IMPG2: variants seen among roughly 807,000 people sequenced by gnomAD.
IMPG2 encodes IPM 200.
IMPG2 carries 91 observed loss-of-function variants against 129.2 expected under a neutral mutation model. The ratio of observed to expected loss-of-function variants is 0.70; its 90% CI spans 0.59 to 0.84. The LOEUF (loss-of-function observed/expected upper bound fraction) is 0.84, where lower values mean the gene tolerates loss of function less well. IMPG2 is among the 40% of genes least tolerant of loss of function. The pLI is 0.00. For synonymous variants in IMPG2, 510 were observed against 517.7 expected (o/e 0.99, Z 0.20); for missense variants, 1,430 against 1,461.7 (o/e 0.98, Z 0.35).
At chr3:101,293,586 T>C (rs762074203) in intron 3 of IMPG2, among the ~76,000 whole-genome samples, 21 of 152,216 alleles carry the variant, frequency 1.4e-4, no homozygotes, top group Non-Finnish European at 2.5e-4. Flanking sequence ...TTTAAGTCAC[T>C]AGCTGCATTA....
intron 9 of IMPG2, among the ~76,000 whole-genome samples, chr3:101,258,270 A>G (rs1247622812): frequency 1.3e-5 from 2 of 152,074 alleles, no homozygotes; most frequent in African/African-American, 4.8e-5. Context: ...ACTAAAGCAA[A>G]TTGATGATTA....
chr3:101,252,322 C>G (rs889078488), intron 11 of IMPG2, among the ~76,000 whole-genome samples: 2 of 152,146 alleles, frequency 1.3e-5, no homozygotes, highest in African/African-American at 4.8e-5. Flanking sequence ...CAGTTTGCAG[C>G]CTCTGGCTTA....
intron 4 of IMPG2, among the ~76,000 whole-genome samples, chr3:101,286,044 G>A (rs979572150): frequency 6.6e-6 from 1 of 151,934 alleles, no homozygotes; most frequent in African/African-American, 2.4e-5. Context: ...GTTGAATACT[G>A]GCTTTGTGAC....
intron 14 of IMPG2, among the ~76,000 whole-genome samples, chr3:101,234,602 G>A (rs1368911058): frequency 6.6e-6 from 1 of 152,156 alleles, no homozygotes; most frequent in African/African-American, 2.4e-5. Flanking sequence ...GGAACTGCAT[G>A]GCCAGATTTC....
At position 101,229,015 on chromosome 3, in the gene IMPG2, G is replaced by A. The variant is rs1298385060; in HGVS notation, c.3634-139C>T. 1.2e-5 allele frequency: 8 copies of A among 685,092 alleles called. No individual in the cohort carries two copies. The Admixed American group carries it at 1.9e-4, about 16-fold the overall frequency. 42.4% of individuals were successfully genotyped at this position (685,092 alleles called of 1,614,324 possible). A position where few individuals can be genotyped will look rare whatever the true frequency, so the allele number is the denominator to read the frequency against. ...TATGCTATAAGAAAGAAGTGCAGGA[G>A]TGTGCACTTTCAGAGAAATGGAAGG... On this transcript the variant is annotated intron_variant, in intron 17 of 18. Transcript: ENST00000193391.
intron 4 of IMPG2, among the ~76,000 whole-genome samples, chr3:101,282,010 G>A (rs1466752781): frequency 6.6e-6 from 1 of 152,088 alleles, no homozygotes; most frequent in Non-Finnish European, 1.5e-5. Flanking sequence ...AGCTGCCAAG[G>A]TCAGACTAAT....
In IMPG2 at chr3:101,253,774, T is replaced by A; in HGVS notation, c.1161A>T (p.Gly387=). ...PDSLQLINVR[G]VLRHQTEDLV... ...GATCTTCAGTTTGGTGACGCAAAAC[T>A]CCTCTCACTGAGGAAAGAACAATAT... The change falls in exon 11 of 19, where the codon GGA becomes GGT. Residue 387 remains glycine, a synonymous_variant. Transcript: ENST00000193391. 6.2e-7 allele frequency: 1 copy of A among 1,608,856 alleles called. No individual in the cohort carries two copies. The highest frequency in any genetic ancestry group is 1.7e-4 in the Middle Eastern group (1 of 6,050).
chr3:101,292,739 C>A (rs1340101666), intron 3 of IMPG2, among the ~76,000 whole-genome samples: 4 of 152,178 alleles, frequency 2.6e-5, no homozygotes, highest in Admixed American at 2.0e-4. Context: ...TAAAAGTCCT[C>A]TTAAAATTGG....
At chr3:101,267,676 G>C in intron 8 of IMPG2, 145 bp from the exon 9 acceptor site, 3 of 693,078 alleles carry the variant, frequency 4.3e-6, no homozygotes, top group Non-Finnish European at 7.5e-6. Flanking sequence ...AATTCCTATG[G>C]ATTGAAGGAA....
At chr3:101,239,342 C>G (rs1706381329) in intron 14 of IMPG2, among the ~76,000 whole-genome samples, 1 of 152,164 alleles carries the variant, frequency 6.6e-6, no homozygotes, top group Admixed American at 6.5e-5. Context: ...AAAAGCTCAT[C>G]ATCAGTGGTC....
intron 4 of IMPG2, among the ~76,000 whole-genome samples, chr3:101,289,967 T>C (rs1056239153): frequency 6.0e-5 from 9 of 150,766 alleles, no homozygotes; most frequent in African/African-American, 2.2e-4. Flanking sequence ...ATGCCATTCA[T>C]TCACTGATGA....
At chr3:101,290,333 C>A (rs1354823527) in intron 4 of IMPG2, among the ~76,000 whole-genome samples, 1 of 151,944 alleles carries the variant, frequency 6.6e-6, no homozygotes, top group African/African-American at 2.4e-5. Flanking sequence ...ATAGCAAAAC[C>A]CTGTTTCTAC....
chr3:101,258,255 T>G (rs1195130793), intron 9 of IMPG2, among the ~76,000 whole-genome samples: 1 of 152,090 alleles, frequency 6.6e-6, no homozygotes, highest in Non-Finnish European at 1.5e-5. Context: ...TATGAAAAAC[T>G]TGGTACTAAA....
intron 15 of IMPG2, 49 bp downstream of exon 15, chr3:101,232,732 G>A: frequency 6.5e-7 from 1 of 1,528,730 alleles, no homozygotes; most frequent in Non-Finnish European, 9.1e-7. Context: ...CTTTTCTTTA[G>A]AGGAAATATC....
rs1464749850 is a variant in IMPG2, at chr3:101,231,159, T to C, written c.3234-14A>G. ...CCCACCCGGCACCTGCAACCAACAG[T>C]CACCAAGTCCGATATCTGAATCACT... On this transcript the variant is annotated splice_polypyrimidine_tract_variant and intron_variant, in intron 15 of 18. Transcript: ENST00000193391. 1 of 1,613,320 alleles carries C rather than the reference T, an allele frequency of 6.2e-7. No individual in the cohort carries two copies. The highest frequency in any genetic ancestry group is 1.3e-5 in the African/African-American group (1 of 74,856).
intron 10 of IMPG2, among the ~76,000 whole-genome samples, chr3:101,255,047 A>G (rs957045381): frequency 6.6e-6 from 1 of 151,928 alleles, no homozygotes; most frequent in African/African-American, 2.4e-5. Flanking sequence ...AAGTTTCCTG[A>G]GGCCTTCCAG....
At chr3:101,267,560 A>C in intron 8 of IMPG2, 29 bp from the exon 9 acceptor site, 2 of 1,580,792 alleles carry the variant, frequency 1.3e-6, no homozygotes, top group Non-Finnish European at 1.7e-6. Context: ...AATATTAAAC[A>C]GAGTTTGAGA....
At chr3:101,307,328 A>C (rs974529732) in intron 2 of IMPG2, among the ~76,000 whole-genome samples, 1 of 152,250 alleles carries the variant, frequency 6.6e-6, no homozygotes, top group African/African-American at 2.4e-5. Flanking sequence ...TGTTTCTTAT[A>C]TAACAAAATA....
chr3:101,230,547 G>A (rs1257203889), intron 16 of IMPG2, among the ~76,000 whole-genome samples: 1 of 152,114 alleles, frequency 6.6e-6, no homozygotes, highest in Non-Finnish European at 1.5e-5. Flanking sequence ...AGGCATTCTG[G>A]TCACACTCAA....
Sources: gnomAD v4.1 joint callset for allele counts (sites outside exome capture counted in the v4.1 genomes callset) on GRCh38, gnomAD v4.1.1 for gene constraint, MANE v1.5 for transcripts, NCBI Gene and HGNC (gene_info 2026-07-23, HGNC 2026-07-21) for gene names.